CFAP70: variants seen among roughly 807,000 people sequenced by gnomAD.
CFAP70 encodes the protein cilia and flagella associated protein 70.
In CFAP70, 81 loss-of-function variants were observed where a neutral mutation model predicts 137.6. The ratio of observed to expected loss-of-function variants is 0.59; its 90% CI spans 0.49 to 0.71. CFAP70 has a LOEUF of 0.71. Ranked by LOEUF, CFAP70 falls within the 30% of genes least tolerant of loss-of-function variation. The pLI, the probability that CFAP70 is intolerant of heterozygous loss-of-function variation, is 0.00. For synonymous variants in CFAP70, 382 were observed against 423.6 expected (o/e 0.90, Z 1.20); for missense variants, 976 against 1,226.7 (o/e 0.80, Z 3.05).
rs528650680 is a variant in CFAP70 at position 73,305,563 on chromosome 10, C to T, written c.1256+4595G>A. ...GTTAAATGTTAAAAGAATGCCTCAG[C>T]ACAGAGCCATCTGTAAAGATTGGCA... On this transcript the variant is annotated intron_variant, in intron 12 of 26. Coordinates refer to ENST00000310715, the Ensembl canonical transcript of CFAP70. 1.6e-4 allele frequency among the ~76,000 whole-genome samples: 25 copies of T among 152,258 alleles called. No individual in the cohort carries two copies. The South Asian group carries it at 5.0e-3, about 30-fold the overall frequency.
chr10:73,319,833 GTTAT>G (rs1303408123), intron 9 of CFAP70, among the ~76,000 whole-genome samples: 1 of 152,114 alleles, frequency 6.6e-6, no homozygotes, highest in African/African-American at 2.4e-5. Context: ...GATAACTACC[GTTAT>G]TTAAATTTAT....
At chr10:73,271,131 G>C (rs1382425436) in intron 24 of CFAP70, among the ~76,000 whole-genome samples, 1 of 152,162 alleles carries the variant, frequency 6.6e-6, no homozygotes, top group Non-Finnish European at 1.5e-5. Flanking sequence ...CTGTACACCA[G>C]CCTGGGTGAC....
intron 4 of CFAP70, chr10:73,345,187 T>A: frequency 1.2e-6 from 2 of 1,614,168 alleles, no homozygotes; most frequent in Non-Finnish European, 1.7e-6. Flanking sequence ...CCCCCTGAGA[T>A]CTGGGCTGTG....
intron 26 of CFAP70, chr10:73,254,331 CTTTT>C (rs920723914): frequency 4.1e-6 from 1 of 243,786 alleles, no homozygotes; most frequent in African/African-American, 2.2e-5. Flanking sequence ...TTAAAATTTA[CTTTT>C]TTTATTTTTA....
chr10:73,339,809 G>A, intron 6 of CFAP70, among the ~76,000 whole-genome samples: 1 of 146,016 alleles, frequency 6.8e-6, no homozygotes, highest in Middle Eastern at 3.2e-3. Context: ...AGAAACTGAA[G>A]AGCCCCAGGT....
intron 1 of CFAP70, 71 bp from the exon 2 acceptor site, chr10:73,354,906 C>T (rs1309845379): frequency 5.6e-6 from 5 of 894,604 alleles, no homozygotes; most frequent in South Asian, 1.4e-5. Context: ...TCCATCATAA[C>T]CAATACCAGG....
At chr10:73,331,456 A>T (rs1366917785) in intron 7 of CFAP70, among the ~76,000 whole-genome samples, 180 bp from the exon 9 acceptor site, 1 of 152,218 alleles carries the variant, frequency 6.6e-6, no homozygotes, top group Non-Finnish European at 1.5e-5. Context: ...CAAGGCAGGT[A>T]GATGGCTTGA....
At chr10:73,298,914 T>C (rs1320904608) in exon 14 of CFAP70, 4 of 1,613,806 alleles carry the variant, frequency 2.5e-6, no homozygotes, top group Non-Finnish European at 2.5e-6. Flanking sequence ...TACCTTGAGT[T>C]GTTCTTTGAA....
At chr10:73,331,664 C>T (rs2052105016) in intron 7 of CFAP70, among the ~76,000 whole-genome samples, 1 of 152,082 alleles carries the variant, frequency 6.6e-6, no homozygotes, top group African/African-American at 2.4e-5. Context: ...CCTGGGCCAC[C>T]GTGAGACCCT....
At chr10:73,286,566 G>A (rs2047729744) in intron 19 of CFAP70, among the ~76,000 whole-genome samples, 1 of 152,128 alleles carries the variant, frequency 6.6e-6, no homozygotes, top group South Asian at 2.1e-4. Context: ...CTGACAATAT[G>A]AACCAAAACA....
intron 24 of CFAP70, among the ~76,000 whole-genome samples, chr10:73,272,064 G>A (rs182384548): frequency 6.6e-6 from 1 of 152,058 alleles, no homozygotes; most frequent in African/African-American, 2.4e-5. Context: ...CAGCAATGAG[G>A]GGCTAAGTGA....
intron 9 of CFAP70, among the ~76,000 whole-genome samples, chr10:73,315,720 C>T (rs1354216384): frequency 6.6e-6 from 1 of 152,114 alleles, no homozygotes; most frequent in Non-Finnish European, 1.5e-5. Context: ...GCACAAACAA[C>T]ACACCCAGAC....
intron 9 of CFAP70, among the ~76,000 whole-genome samples, chr10:73,316,481 G>GATATATATATATATATATATAT (rs1253458738): frequency 3.8e-5 from 4 of 106,534 alleles, no homozygotes; most frequent in African/African-American, 1.1e-4. Context: ...TATATATATA[G>GATATATATATATATATATATAT]ATATAGATAT....
At chr10:73,356,478 C>T (rs972894751) in intron 1 of CFAP70, among the ~76,000 whole-genome samples, 1 of 152,214 alleles carries the variant, frequency 6.6e-6, no homozygotes, top group African/African-American at 2.4e-5. Flanking sequence ...GATTAAAAGG[C>T]ATGAGCCACT....
chr10:73,322,991 G>A (rs777871512), exon 9 of CFAP70: 3 of 1,613,384 alleles, frequency 1.9e-6, no homozygotes, highest in South Asian at 2.2e-5. Context: ...GTCTAGGTAA[G>A]GGTAAACATG....
intron 8 of CFAP70, among the ~76,000 whole-genome samples, chr10:73,329,673 AAACTT>A (rs1264282159): frequency 6.6e-6 from 1 of 152,214 alleles, no homozygotes; most frequent in Non-Finnish European, 1.5e-5. Flanking sequence ...CAATAACAAA[AAACTT>A]AAAAGGAATC....
chr10:73,351,001 A>ATGTGTGTATG (rs1026868374), intron 3 of CFAP70, among the ~76,000 whole-genome samples: 27 of 131,252 alleles, frequency 2.1e-4, no homozygotes, highest in Non-Finnish European at 4.1e-4. Context: ...ATGTGTGTAT[A>ATGTGTGTATG]TGTGTGTATG....
chr10:73,271,449 T>C (rs111912250), intron 24 of CFAP70, among the ~76,000 whole-genome samples: 16,028 of 152,108 alleles, frequency 0.11, 1,215 homozygotes, highest in East Asian at 0.31. Flanking sequence ...GAGGCAGAGG[T>C]TGCAGTGAGC....
intron 3 of CFAP70, among the ~76,000 whole-genome samples, chr10:73,350,101 T>C (rs2054069570): frequency 6.6e-6 from 1 of 152,230 alleles, no homozygotes; most frequent in South Asian, 2.1e-4. Flanking sequence ...TTGGTTGTCA[T>C]GTTTCTTTTC....
Sources: allele counts gnomAD v4.1 joint callset (sites outside exome capture counted in the v4.1 genomes callset), GRCh38; gene constraint gnomAD v4.1.1; transcripts MANE v1.5; gene names NCBI Gene and HGNC (gene_info 2026-07-23, HGNC 2026-07-21).